XYLT1: variants seen among roughly 807,000 people sequenced by gnomAD.
The protein encoded by XYLT1 is beta-D-xylosyltransferase 1.
A neutral mutation model predicts 91.3 loss-of-function variants in XYLT1; 36 were observed. The ratio of observed to expected loss-of-function variants is 0.39; its 90% CI spans 0.30 to 0.52. The LOEUF is 0.52. Ranked by LOEUF, XYLT1 falls within the 20% of genes least tolerant of loss-of-function variation. XYLT1 has a pLI of 0.68. For missense variants in XYLT1, 1,242 were observed against 1,284.5 expected (o/e 0.97, Z 0.51); for synonymous variants, 588 against 532.0 (o/e 1.11, Z -1.45).
At chr16:17,305,415 TTC>T (rs2034456333) in intron 2 of XYLT1, among the ~76,000 whole-genome samples, 2 of 124,856 alleles carry the variant, frequency 1.6e-5, no homozygotes, top group South Asian at 2.6e-4. Context: ...CTTCTTCTTC[TTC>T]TTTTTTTTTT....
chr16:17,197,014 A>ATATATAT (rs1597184723), intron 5 of XYLT1, among the ~76,000 whole-genome samples: 47 of 110,496 alleles, frequency 4.3e-4, no homozygotes, highest in African/African-American at 1.6e-3. Context: ...CTGTCTCCAA[A>ATATATAT]ATATATATAT....
Position 17,114,019 on chromosome 16 carries a change from G to A in XYLT1, c.2557+3627C>T, listed in dbSNP as rs527271138. Among the ~76,000 whole-genome samples the A allele has an allele frequency of 7.9e-5, 12 of 152,172 alleles. No individual in the cohort carries two copies. In the South Asian group the frequency reaches 2.5e-3, roughly 32 times the overall value. On this transcript the variant is annotated intron_variant, in intron 11 of 11. Coordinates refer to ENST00000261381, the MANE Select transcript of XYLT1 (RefSeq NM_022166.4). ...AGGGTGGGCATCCCTATGCCATGGG[G>A]ACAGACTCATCCACCTGCCGGGAGG...
chr16:17,138,979 C>T (rs568808955), intron 7 of XYLT1, among the ~76,000 whole-genome samples: 1 of 152,346 alleles, frequency 6.6e-6, no homozygotes, highest in Non-Finnish European at 1.5e-5. Context: ...AGACCCAGGG[C>T]TTCCTGCATC....
At chr16:17,443,744 A>C (rs2141943747) in intron 1 of XYLT1, among the ~76,000 whole-genome samples, 1 of 152,344 alleles carries the variant, frequency 6.6e-6, no homozygotes, top group Admixed American at 6.5e-5. Flanking sequence ...CCTATCTAGC[A>C]GGAGTGGGAC....
chr16:17,331,172 C>CCCA (rs1491140587), intron 2 of XYLT1, among the ~76,000 whole-genome samples: 1 of 152,230 alleles, frequency 6.6e-6, no homozygotes, highest in African/African-American at 2.4e-5. Flanking sequence ...AAGGCAATGA[C>CCCA]CCAACTCTGG....
chr16:17,292,166 A>G lies in XYLT1; in HGVS notation c.403-32668T>C, dbSNP rs1024514950. ...TGTTTTTTGAAAGGTTCTAAATATT[A>G]TATATATTATATATACATGATGGGA... On this transcript the variant is annotated intron_variant, in intron 2 of 11. Transcript: ENST00000261381. Among the ~76,000 whole-genome samples the G allele has an allele frequency of 4.6e-5, 7 of 151,968 alleles. No homozygotes were observed. In the East Asian group the frequency reaches 1.3e-3, roughly 29 times the overall value.
chr16:17,174,575 C>T (rs2031897450), intron 5 of XYLT1, among the ~76,000 whole-genome samples: 1 of 152,084 alleles, frequency 6.6e-6, no homozygotes, highest in South Asian at 2.1e-4. Flanking sequence ...GTTGGCAAAT[C>T]CACAGAAACA....
intron 2 of XYLT1, among the ~76,000 whole-genome samples, chr16:17,286,511 T>C (rs907701446): frequency 6.6e-6 from 1 of 152,248 alleles, no homozygotes; most frequent in Non-Finnish European, 1.5e-5. Flanking sequence ...GGTCAACCTG[T>C]CACCCATGTG....
rs1452504478 is a variant in XYLT1 at position 17,364,591 on chromosome 16, A to G, written c.364-6541T>C. On this transcript the variant is annotated intron_variant, in intron 1 of 11. Transcript: ENST00000261381. ...GTTACCGTAGATACGAGTGCAACCT[A>G]TGTCACGTGACGGCAGTGAACTGAG... is the stretch of plus-strand genomic sequence containing the variant. 4.6e-5 allele frequency among the ~76,000 whole-genome samples: 7 copies of G among 152,308 alleles called. No individual in the cohort carries two copies. The East Asian group carries it at 1.4e-3, about 29-fold the overall frequency.
At position 17,234,590 on chromosome 16, in the gene XYLT1, T is replaced by C. The variant is rs528345218; in HGVS notation, c.913+24398A>G. On this transcript the variant is annotated intron_variant, in intron 3 of 11. Coordinates refer to ENST00000261381, the MANE Select transcript of XYLT1 (RefSeq NM_022166.4). ...CTAACAGCTCATTGACTACTCTTTT[T>C]TTTTTTTTGGCATTTCTAAAATCTC... Among the ~76,000 whole-genome samples the C allele has an allele frequency of 9.1e-3, 1,380 of 152,186 alleles. 6 individuals are homozygous for C. Among genetic ancestry groups the C allele is most frequent in the Non-Finnish European group, 0.013 (908 of 67,998 alleles).
chr16:17,204,634 G>A (rs998375870), intron 3 of XYLT1, among the ~76,000 whole-genome samples: 4 of 152,192 alleles, frequency 2.6e-5, no homozygotes, highest in Non-Finnish European at 4.4e-5. Context: ...AGCAATTTCT[G>A]TGCATGATTT....
intron 1 of XYLT1, among the ~76,000 whole-genome samples, chr16:17,465,215 C>G (rs1228818557): frequency 7.3e-6 from 1 of 136,804 alleles, no homozygotes; most frequent in Non-Finnish European, 1.5e-5. Context: ...TTTCAACAAA[C>G]CATGCAAAAG....
chr16:17,141,060 C>A, intron 7 of XYLT1, 93 bp downstream of exon 7: 1 of 1,291,646 alleles, frequency 7.7e-7, no homozygotes, highest in South Asian at 1.3e-5. Context: ...TAGGTGGACC[C>A]AGAATCTCTT....
At chr16:17,308,923 G>A (rs1054340022) in intron 2 of XYLT1, among the ~76,000 whole-genome samples, 2 of 152,026 alleles carry the variant, frequency 1.3e-5, no homozygotes, top group Non-Finnish European at 2.9e-5. Context: ...AGCGGATACT[G>A]TATACATCTT....
At chr16:17,455,470 G>C (rs1268456427) in intron 1 of XYLT1, among the ~76,000 whole-genome samples, 1 of 152,016 alleles carries the variant, frequency 6.6e-6, no homozygotes, top group Non-Finnish European at 1.5e-5. Flanking sequence ...AATAATAATG[G>C]CTGGGCACAG....
intron 5 of XYLT1, among the ~76,000 whole-genome samples, chr16:17,171,371 C>T (rs879578037): frequency 1.3e-5 from 2 of 152,180 alleles, no homozygotes; most frequent in Non-Finnish European, 2.9e-5. Flanking sequence ...TTGCCACATT[C>T]ACCTGCCTGT....
chr16:17,193,997 T>C (rs1035401130), intron 5 of XYLT1: 1 of 151,900 alleles, frequency 6.6e-6, no homozygotes, highest in African/African-American at 2.4e-5. Context: ...AGACACAGAG[T>C]GACCTGGGGC....
At chr16:17,373,926 G>A (rs897784614) in intron 1 of XYLT1, among the ~76,000 whole-genome samples, 4 of 152,188 alleles carry the variant, frequency 2.6e-5, no homozygotes, top group Admixed American at 1.3e-4. Context: ...AGGGAGTATT[G>A]ATTCCATCAT....
Position 17,457,959 on chromosome 16 carries a change from C to T in XYLT1, c.363+12475G>A, listed in dbSNP as rs550514369. On this transcript the variant is annotated intron_variant, in intron 1 of 11. Transcript: ENST00000261381. ...AAAAAAAAGAATAACTTTTTCACATCCCCAAAGAAAGGATGCTTAATGAGG... is the reference window on the plus strand; with the variant it reads ...AAAAAAAAGAATAACTTTTTCACATTCCCAAAGAAAGGATGCTTAATGAGG... Among the ~76,000 whole-genome samples the T allele has an allele frequency of 3.9e-5, 6 of 152,318 alleles. No individual in the cohort carries two copies. In the South Asian group the frequency reaches 1.2e-3, roughly 32 times the overall value.
Sources: gnomAD v4.1 joint callset for allele counts (sites outside exome capture counted in the v4.1 genomes callset) on GRCh38, gnomAD v4.1.1 for gene constraint, MANE v1.5 for transcripts, NCBI Gene and HGNC (gene_info 2026-07-23, HGNC 2026-07-21) for gene names.